VGLL4: variants seen among roughly 807,000 people sequenced by gnomAD.
VGLL4 encodes transcription cofactor vestigial-like protein 4.
VGLL4 carries 7 observed loss-of-function variants against 21.0 expected under a neutral mutation model. The observed-to-expected ratio is 0.33, with a 90% CI of 0.19 to 0.63. The LOEUF is 0.63. Among genes scored for constraint, VGLL4 ranks in the 20% least tolerant of loss-of-function variants. The pLI is 0.78. For missense variants in VGLL4, 394 were observed against 425.7 expected, an observed-to-expected ratio of 0.93 and a Z score of 0.66; for synonymous variants, 222 against 173.2, an observed-to-expected ratio of 1.28 and a Z score of -2.21.
intron 2 of VGLL4, among the ~76,000 whole-genome samples, chr3:11,701,038 G>T (rs539048833): frequency 1.5e-4 from 23 of 152,090 alleles, no homozygotes; most frequent in Non-Finnish European, 2.6e-4. Context: ...ATCTTGTAGG[G>T]GTGGTGGCAG....
chr3:11,643,391 T>A (rs777700592), intron 1 of VGLL4, 46 bp downstream of exon 1: 107 of 1,613,028 alleles, frequency 6.6e-5, no homozygotes, highest in Non-Finnish European at 9.0e-5. Flanking sequence ...TGAGGAGGAG[T>A]GGCCGGGACG....
intron 1 of VGLL4, among the ~76,000 whole-genome samples, chr3:11,717,490 ATTT>A (rs60921966): frequency 6.9e-4 from 50 of 72,946 alleles, no homozygotes; most frequent in Non-Finnish European, 9.0e-4. Flanking sequence ...CCCACTACAG[ATTT>A]TTTTTTTTTT....
chr3:11,600,989 T>A (rs1450441102), intron 2 of VGLL4, among the ~76,000 whole-genome samples: 2 of 152,082 alleles, frequency 1.3e-5, no homozygotes, highest in Non-Finnish European at 2.9e-5. Flanking sequence ...ACCCGTAGAC[T>A]CTCTGGGCAG....
chr3:11,629,740 G>T (rs2443720), intron 1 of VGLL4, among the ~76,000 whole-genome samples: 1 of 141,030 alleles, frequency 7.1e-6, no homozygotes, highest in Admixed American at 7.2e-5. Flanking sequence ...AGAGCGAGAC[G>T]GGTCTCAAAA....
chr3:11,688,892 C>T (rs2125389861), intron 2 of VGLL4, among the ~76,000 whole-genome samples: 1 of 152,126 alleles, frequency 6.6e-6, no homozygotes, highest in South Asian at 2.1e-4. Flanking sequence ...ATGGTGGGTG[C>T]CTGTAATCCC....
At position 11,568,895 on chromosome 3, in the gene VGLL4, C is replaced by G; in HGVS notation, c.273-3876G>C. On this transcript the variant is annotated intron_variant, in intron 2 of 4. Transcript: ENST00000430365. The surrounding 1 kb of genome is among the most constrained non-coding windows in gnomAD (Gnocchi z 5.9). ...GGCTGCACGGCACCCGGCCCCGCCC[C>G]GGGCCTCATCCCCATCCTAGGCGGG... The G allele has an allele frequency of 7.6e-7, 1 of 1,313,032 alleles. No individual in the cohort carries two copies. Among genetic ancestry groups the G allele is most frequent in the Non-Finnish European group, 9.7e-7 (1 of 1,027,490 alleles). 81.3% of individuals were successfully genotyped at this position (1,313,032 alleles called of 1,614,324 possible).
chr3:11,645,603 C>CAAAA (rs34230304), upstream of VGLL4, among the ~76,000 whole-genome samples: 1 of 77,400 alleles, frequency 1.3e-5, no homozygotes, highest in Non-Finnish European at 2.5e-5. Flanking sequence ...GACTCCGTCT[C>CAAAA]AAAAAAAAAA....
chr3:11,610,308 C>T (rs899548187), intron 1 of VGLL4: 6 of 152,228 alleles, frequency 3.9e-5, no homozygotes, highest in African/African-American at 1.4e-4. Context: ...GGGGAGAAGA[C>T]ACCGTGAAGT....
chr3:11,569,362 T>C (rs1385270419), intron 2 of VGLL4, among the ~76,000 whole-genome samples: 1 of 152,206 alleles, frequency 6.6e-6, no homozygotes, highest in Non-Finnish European at 1.5e-5. Context: ...CAAAGGCCCC[T>C]GAGCACCATG....
At chr3:11,696,778 G>A (rs1347062313) in intron 2 of VGLL4, among the ~76,000 whole-genome samples, 3 of 152,024 alleles carry the variant, frequency 2.0e-5, no homozygotes, top group African/African-American at 7.3e-5. Context: ...CTCAGTCGTC[G>A]CCCAGGCTGG....
intron 2 of VGLL4, among the ~76,000 whole-genome samples, chr3:11,572,192 C>G (rs1175609711): frequency 6.6e-6 from 1 of 152,168 alleles, no homozygotes; most frequent in Non-Finnish European, 1.5e-5. Context: ...GAAGGACATG[C>G]CCAATCATAT....
intron 2 of VGLL4, among the ~76,000 whole-genome samples, chr3:11,567,664 C>G (rs1406308940): frequency 6.6e-6 from 1 of 152,200 alleles, no homozygotes; most frequent in Non-Finnish European, 1.5e-5. Flanking sequence ...TGATCCCAGA[C>G]ACCGATGTCA....
At chr3:11,569,017 G>T in intron 2 of VGLL4, 1 of 907,994 alleles carries the variant, frequency 1.1e-6, no homozygotes, top group Non-Finnish European at 1.3e-6. Context: ...AGCTTTCTGA[G>T]TACTGAAAGC....
rs548462190 is a variant in VGLL4, at chr3:11,654,089, C to G, written c.64+48882G>C. On this transcript the variant is annotated intron_variant, in intron 2 of 5. Coordinates refer to the VGLL4 transcript ENST00000273038. ...CTACAATGCATAGGACACCCCCCACCACCACCACCACAACAAAGCATTATT... is the reference window on the plus strand; with the variant it reads ...CTACAATGCATAGGACACCCCCCACGACCACCACCACAACAAAGCATTATT... 3.0e-3 allele frequency among the ~76,000 whole-genome samples: 450 copies of G among 152,184 alleles called. 9 individuals are homozygous for G. The highest frequency in any genetic ancestry group is 0.02 in the Admixed American group (310 of 15,286).
In VGLL4 at chr3:11,643,640, C is replaced by A; in HGVS notation, c.-122G>T. 1 of 1,507,360 alleles carries A rather than the reference C, an allele frequency of 6.6e-7. No homozygotes were observed. The highest frequency in any genetic ancestry group is 1.4e-5 in the African/African-American group (1 of 70,622). The allele number at this position is 1,507,360 out of a possible 1,614,324, so 93.4% of individuals were successfully genotyped here. A position where few individuals can be genotyped will look rare whatever the true frequency, so the allele number is the denominator to read the frequency against. On this transcript the variant is annotated 5_prime_UTR_variant, in exon 1 of 5. Transcript: ENST00000430365. ...CTTCACAAAGGCAGAGGCCCAGCCTCAGACTATCAAAACAAAGTATGCAAA... is the reference window on the plus strand; with the variant it reads ...CTTCACAAAGGCAGAGGCCCAGCCTAAGACTATCAAAACAAAGTATGCAAA...
chr3:11,692,879 T>C (rs2076549662), intron 2 of VGLL4, among the ~76,000 whole-genome samples: 5 of 152,174 alleles, frequency 3.3e-5, no homozygotes, highest in Middle Eastern at 3.4e-3. Context: ...TAAGAAGTAA[T>C]GAAAATAGGC....
At chr3:11,578,615 T>C (rs898703097) in intron 2 of VGLL4, among the ~76,000 whole-genome samples, 5 of 150,642 alleles carry the variant, frequency 3.3e-5, no homozygotes, top group Non-Finnish European at 7.4e-5. Flanking sequence ...AAAAAAGTAA[T>C]AATAATAAAT....
At position 11,702,384 on chromosome 3, in the gene VGLL4, C is replaced by T. The variant is rs531974885; in HGVS notation, c.64+587G>A. ...CAGAATTTTGGGAGGCCGAGGTAGA[C>T]GGATCATTTGAGGTCAGGAGTTTGA... On this transcript the variant is annotated intron_variant, in intron 2 of 5. Coordinates refer to the VGLL4 transcript ENST00000273038. Among the ~76,000 whole-genome samples, 771 of 145,574 alleles carry T rather than the reference C, an allele frequency of 5.3e-3. 6 individuals carry two copies. The highest frequency in any genetic ancestry group is 8.8e-3 in the African/African-American group (345 of 39,090).
intron 2 of VGLL4, among the ~76,000 whole-genome samples, chr3:11,682,950 A>G (rs566818002): frequency 6.6e-6 from 1 of 152,226 alleles, no homozygotes; most frequent in Admixed American, 6.5e-5. Context: ...ACGAGAGGCC[A>G]GGCGCGGTGG....
Sources: allele counts gnomAD v4.1 joint callset (sites outside exome capture counted in the v4.1 genomes callset), GRCh38; gene constraint gnomAD v4.1.1; non-coding constraint Gnocchi (gnomAD v3.1); transcripts MANE v1.5; gene names NCBI Gene and HGNC (gene_info 2026-07-23, HGNC 2026-07-21).